Variants in ELMOD2 observed in about 807,000 individuals in gnomAD.
ELMOD2 encodes the protein ELMO domain-containing protein 2.
A neutral mutation model predicts 41.0 loss-of-function variants in ELMOD2; 28 were observed. The ratio of observed to expected loss-of-function variants is 0.68; its 90% CI spans 0.51 to 0.94. ELMOD2 has a LOEUF of 0.94. ELMOD2 is among the 40% of genes least tolerant of loss of function. ELMOD2 has a pLI of 0.00. For missense variants in ELMOD2, 333 were observed against 343.1 expected (o/e 0.97, Z 0.23); for synonymous variants, 106 against 107.2 (o/e 0.99, Z 0.07).
At position 140,525,547 on chromosome 4, in the gene ELMOD2, G is replaced by C. The variant is rs771311143; in HGVS notation, c.119G>C (p.Gly40Ala). 1 of 1,612,650 alleles carries C rather than the reference G, an allele frequency of 6.2e-7. No individual in the cohort carries two copies. Among genetic ancestry groups the C allele is most frequent in the East Asian group, 2.2e-5 (1 of 44,764 alleles). The change falls in exon 2 of 9, where the codon GGT becomes GCT. Residue 40 changes from glycine (G) to alanine (A), a missense_variant. By Grantham distance (60) the Gly-to-Ala change is moderately conservative. Transcript: ENST00000323570. The part of the protein sequence containing the change: ...ELQRIFDTYV[G>A]AQRTHRIENS... The stretch of plus-strand genomic sequence containing the variant: ...CAGCGAATATTTGATACCTATGTAG[G>C]TGCACAAAGGACACACAGGATAGGT...
chr4:140,544,749 A>G (rs1735218595), intron 8 of ELMOD2, among the ~76,000 whole-genome samples: 1 of 152,088 alleles, frequency 6.6e-6, no homozygotes. Flanking sequence ...TGCCTTTGCA[A>G]GTGACATTCA....
At chr4:140,542,850 A>T (rs965603861) in intron 7 of ELMOD2, among the ~76,000 whole-genome samples, 2 of 151,964 alleles carry the variant, frequency 1.3e-5, no homozygotes, top group African/African-American at 2.4e-5. Context: ...TTATCACAAG[A>T]TATAGTTTAT....
intron 4 of ELMOD2, among the ~76,000 whole-genome samples, chr4:140,536,043 A>G (rs555821294): frequency 6.6e-6 from 1 of 152,246 alleles, no homozygotes; most frequent in East Asian, 1.9e-4. Flanking sequence ...GTCCAGTACT[A>G]ATGCCAGTAT....
At chr4:140,547,872 T>C (rs565878440) in intron 8 of ELMOD2, among the ~76,000 whole-genome samples, 3 of 152,312 alleles carry the variant, frequency 2.0e-5, no homozygotes, top group Non-Finnish European at 2.9e-5. Context: ...GGACAAAATA[T>C]GTGCATCATG....
intron 5 of ELMOD2, among the ~76,000 whole-genome samples, chr4:140,538,937 C>T (rs1239675489): frequency 1.3e-5 from 2 of 152,188 alleles, no homozygotes; most frequent in Non-Finnish European, 2.9e-5. Context: ...GTGGCTCTCA[C>T]CACATCACTG....
At position 140,533,146 on chromosome 4, in the gene ELMOD2, C is replaced by T. The variant is rs77974762; in HGVS notation, c.172-2587C>T. On this transcript the variant is annotated intron_variant, in intron 3 of 8. Transcript: ENST00000323570. ...AGGACTCAGTATTAAGATGTTATTT[C>T]CCAAATCGATCTATGGATTCAATGC... is the stretch of plus-strand genomic sequence containing the variant. Among the ~76,000 whole-genome samples the T allele has an allele frequency of 1.2e-3, 181 of 152,266 alleles. No homozygotes were observed. The East Asian group carries it at 0.028, about 24-fold the overall frequency.
At chr4:140,531,192 A>G (rs1734734405) in intron 3 of ELMOD2, among the ~76,000 whole-genome samples, 1 of 152,202 alleles carries the variant, frequency 6.6e-6, no homozygotes, top group South Asian at 2.1e-4. Flanking sequence ...AAGTGATTTT[A>G]ATCTATTCAG....
chr4:140,532,626 C>G lies in ELMOD2; in HGVS notation c.172-3107C>G, dbSNP rs150480986. ...CTCAACTAGGCATAGAAGGAACTTT[C>G]TCAACCTATGAAAGGCTGTGAAAAA... On this transcript the variant is annotated intron_variant, in intron 3 of 8. Coordinates refer to ENST00000323570, the MANE Select transcript of ELMOD2 (RefSeq NM_153702.4). 3.9e-5 allele frequency among the ~76,000 whole-genome samples: 6 copies of G among 152,320 alleles called. No individual in the cohort carries two copies. The East Asian group carries it at 1.2e-3, about 29-fold the overall frequency.
At chr4:140,545,127 A>G (rs930890630) in intron 8 of ELMOD2, among the ~76,000 whole-genome samples, 2 of 152,106 alleles carry the variant, frequency 1.3e-5, no homozygotes, top group Non-Finnish European at 2.9e-5. Flanking sequence ...GATTTTTCTC[A>G]GACACCAACT....
intron 2 of ELMOD2, among the ~76,000 whole-genome samples, chr4:140,527,178 T>C (rs1231438289): frequency 2.0e-5 from 3 of 152,160 alleles, no homozygotes; most frequent in South Asian, 4.1e-4. Flanking sequence ...ATGGGTGAAT[T>C]TGCAGTGGTT....
At chr4:140,525,040 T>C (rs1315531052) in intron 1 of ELMOD2, 1 of 162,204 alleles carries the variant, frequency 6.2e-6, no homozygotes. Context: ...ATTTTAATTG[T>C]TGATTAGTTG....
Position 140,524,232 on chromosome 4 carries a change from G to C in ELMOD2, c.-58G>C, listed in dbSNP as rs1466024599. On this transcript the variant is annotated 5_prime_UTR_variant, in exon 1 of 9. Transcript: ENST00000323570. The stretch of plus-strand genomic sequence containing the variant: ...TTTCCGTTGCCGGCTGTTTGCAGTG[G>C]GGAAACCGAGGCAGCTCCTGCTCCC... 3 of 152,370 alleles carry C rather than the reference G, an allele frequency of 2.0e-5. No individual in the cohort carries two copies. The highest frequency in any genetic ancestry group is 6.5e-5 in the Admixed American group (1 of 15,284). 9.4% of individuals were successfully genotyped at this position (152,370 alleles called of 1,614,324 possible).
chr4:140,543,587 G>A lies in ELMOD2; in HGVS notation c.736+1G>A. On this transcript the variant is annotated splice_donor_variant, in intron 8 of 8. Transcript: ENST00000323570. LOFTEE classifies it high-confidence loss of function. ...ATGGAACACTTTCATCAGTTTTACT[G>A]TGAGTATTAAAATGAGTTAAAACTA... 6.3e-7 allele frequency: 1 copy of A among 1,581,568 alleles called. No individual in the cohort carries two copies. The highest frequency in any genetic ancestry group is 8.5e-7 in the Non-Finnish European group (1 of 1,169,882).
chr4:140,528,302 C>G (rs544879433), intron 3 of ELMOD2, among the ~76,000 whole-genome samples: 3 of 152,210 alleles, frequency 2.0e-5, no homozygotes, highest in South Asian at 2.1e-4. Flanking sequence ...ATTCAGTCTA[C>G]CACATGCTGT....
chr4:140,538,405 C>T (rs1298125995), intron 5 of ELMOD2, among the ~76,000 whole-genome samples: 2 of 151,896 alleles, frequency 1.3e-5, no homozygotes, highest in Non-Finnish European at 2.9e-5. Context: ...TAACACTAAG[C>T]GATACAAGTT....
chr4:140,533,583 C>T (rs1734817869), intron 3 of ELMOD2, among the ~76,000 whole-genome samples: 1 of 152,058 alleles, frequency 6.6e-6, no homozygotes, highest in African/African-American at 2.4e-5. Flanking sequence ...ATATCTTCCA[C>T]CTTGAGTTAT....
At chr4:140,538,452 ATT>A (rs1734999936) in intron 5 of ELMOD2, among the ~76,000 whole-genome samples, 1 of 152,214 alleles carries the variant, frequency 6.6e-6, no homozygotes, top group South Asian at 2.1e-4. Flanking sequence ...TTAAAAGTGT[ATT>A]TTGTTAAATG....
chr4:140,527,351 C>T (rs897234045), intron 2 of ELMOD2, 115 bp from the exon 3 acceptor site: 6 of 811,832 alleles, frequency 7.4e-6, no homozygotes, highest in Middle Eastern at 3.7e-4. Flanking sequence ...GAAATTATAT[C>T]TCCTGGAACT....
At chr4:140,541,065 G>A (rs1224160592) in intron 6 of ELMOD2, among the ~76,000 whole-genome samples, 5 of 152,032 alleles carry the variant, frequency 3.3e-5, no homozygotes, top group Non-Finnish European at 5.9e-5. Context: ...TAATACTTAC[G>A]ATTAGCTACA....
Sources: allele counts gnomAD v4.1 joint callset (sites outside exome capture counted in the v4.1 genomes callset), GRCh38; gene constraint gnomAD v4.1.1; transcripts MANE v1.5; gene names NCBI Gene and HGNC (gene_info 2026-07-23, HGNC 2026-07-21).